Variants in DNAJB14 observed in about 807,000 individuals in gnomAD.
DNAJB14 encodes the protein DnaJ heat shock protein family (Hsp40) member B14, also known as dnaJ homolog subfamily B member 14.
A neutral mutation model predicts 48.4 loss-of-function variants in DNAJB14; 22 were observed. That is an observed-to-expected ratio of 0.45 (90% CI 0.32 to 0.65). The LOEUF is 0.65. Ranked by LOEUF, DNAJB14 falls within the 30% of genes least tolerant of loss-of-function variation. The probability of loss-of-function intolerance (pLI) is 0.03; values close to 1 mark genes in which losing one functional copy is unlikely to be tolerated. For synonymous variants in DNAJB14, 142 were observed against 158.7 expected, an observed-to-expected ratio of 0.89 and a Z score of 0.79; for missense variants, 319 against 458.8, an observed-to-expected ratio of 0.70 and a Z score of 2.78.
Position 99,896,263 on chromosome 4 carries a change from A to G in DNAJB14, c.*4765T>C, listed in dbSNP as rs1044134809. Reference sequence around the variant, plus strand: ...AAAACAAACATTTTACAGTGAGAACAGACCTTTTTATTAATATATTGAGAT... The same window carrying G: ...AAAACAAACATTTTACAGTGAGAACGGACCTTTTTATTAATATATTGAGAT... On this transcript the variant is annotated 3_prime_UTR_variant, in exon 8 of 8. Coordinates refer to ENST00000442697, the MANE Select transcript of DNAJB14 (RefSeq NM_001031723.4). The G allele has an allele frequency of 2.0e-5, 3 of 152,234 alleles. No individual in the cohort carries two copies. The highest frequency in any genetic ancestry group is 7.2e-5 in the African/African-American group (3 of 41,462). The allele number at this position is 152,234 out of a possible 1,614,324, so 9.4% of individuals were successfully genotyped here.
intron 1 of DNAJB14, among the ~76,000 whole-genome samples, chr4:99,937,769 C>A (rs930792334): frequency 6.6e-6 from 1 of 150,688 alleles, no homozygotes; most frequent in Non-Finnish European, 1.5e-5. Context: ...AAAACAAATA[C>A]GATGAAATAT....
chr4:99,931,059 C>G (rs1437167015), intron 1 of DNAJB14, among the ~76,000 whole-genome samples: 3 of 152,114 alleles, frequency 2.0e-5, no homozygotes, highest in African/African-American at 7.2e-5. Context: ...AAATTGCTAA[C>G]TTGAGTTATG....
intron 2 of DNAJB14, 35 bp downstream of exon 2, chr4:99,930,415 A>G (rs1726421021): frequency 1.3e-6 from 2 of 1,541,754 alleles, no homozygotes; most frequent in South Asian, 1.3e-5. Context: ...ATTAATACCA[A>G]TTATGATTGA....
intron 4 of DNAJB14, 26 bp downstream of exon 4, chr4:99,908,685 T>C (rs199739861): frequency 9.4e-4 from 1,414 of 1,503,594 alleles, no homozygotes; most frequent in Non-Finnish European, 1.1e-3. Context: ...TCATAAAATA[T>C]AATATCTATA....
intron 2 of DNAJB14, chr4:99,924,768 A>T (rs1226218322): frequency 6.2e-7 from 1 of 1,611,994 alleles, no homozygotes; most frequent in South Asian, 1.1e-5. Flanking sequence ...ACTGTGTGTT[A>T]GGTACAGGTC....
At chr4:99,940,811 T>C (rs934824711) in intron 1 of DNAJB14, among the ~76,000 whole-genome samples, 2 of 152,036 alleles carry the variant, frequency 1.3e-5, no homozygotes, top group Admixed American at 6.6e-5. Flanking sequence ...TATCACCTTA[T>C]AGCAATAAAC....
rs1484549941 is a variant in DNAJB14 at position 99,899,343 on chromosome 4, T to A, written c.*1685A>T. The A allele has an allele frequency of 6.6e-6, 1 of 152,114 alleles. No homozygotes were observed. The highest frequency in any genetic ancestry group is 2.4e-5 in the African/African-American group (1 of 41,402). The allele number at this position is 152,114 out of a possible 1,614,324, so 9.4% of individuals were successfully genotyped here. A position where few individuals can be genotyped will look rare whatever the true frequency, so the allele number is the denominator to read the frequency against. ...CTATGAACTTATATTTTTAAAAACT[T>A]ACTCTGCAGGCTCAACAAAATAATT... On this transcript the variant is annotated 3_prime_UTR_variant, in exon 8 of 8. Coordinates refer to ENST00000442697, the MANE Select transcript of DNAJB14 (RefSeq NM_001031723.4).
In DNAJB14 at chr4:99,910,994, C is replaced by A. The variant is rs527475240; in HGVS notation, c.452-2098G>T. On this transcript the variant is annotated intron_variant, in intron 3 of 7. Transcript: ENST00000442697. ...TATAGAACATTTCTAACACCACTCTCATGTTGCTCTTTCATAACCACATCC... is the reference window on the plus strand; with the variant it reads ...TATAGAACATTTCTAACACCACTCTAATGTTGCTCTTTCATAACCACATCC... Among the ~76,000 whole-genome samples the A allele has an allele frequency of 2.6e-5, 4 of 152,186 alleles. No individual in the cohort carries two copies. In the East Asian group the frequency reaches 7.7e-4, roughly 29 times the overall value.
rs59597113 is a variant in DNAJB14 at position 99,938,097 on chromosome 4, C to CAAAAA, written c.134-7481_134-7477dup. Among the ~76,000 whole-genome samples, 44 of 40,976 alleles carry CAAAAA rather than the reference C, an allele frequency of 1.1e-3. 2 individuals carry two copies. The highest frequency in any genetic ancestry group is 2.4e-3 in the African/African-American group (30 of 12,710). 26.9% of individuals were successfully genotyped at this position (40,976 alleles called of 152,430 possible). On this transcript the variant is annotated intron_variant, in intron 1 of 7. Transcript: ENST00000442697. ...ACATGGCGAAACCATGTTAAAAATA[C>CAAAAA]AAAAAAAAAAAAAAAAAAAAAAAAA...
At chr4:99,937,265 C>T (rs963467904) in intron 1 of DNAJB14, among the ~76,000 whole-genome samples, 1 of 151,768 alleles carries the variant, frequency 6.6e-6, no homozygotes, top group Middle Eastern at 3.4e-3. Context: ...CGCAGTGAGC[C>T]GAGATCGCGC....
At chr4:99,906,474 G>T in intron 5 of DNAJB14, 43 bp downstream of exon 5, 1 of 1,571,968 alleles carries the variant, frequency 6.4e-7, no homozygotes, top group South Asian at 1.1e-5. Context: ...TACTTTTCCT[G>T]AGCTGAAATT....
At chr4:99,938,866 G>GAATAGC (rs1283128408) in intron 1 of DNAJB14, among the ~76,000 whole-genome samples, 1 of 151,966 alleles carries the variant, frequency 6.6e-6, no homozygotes, top group East Asian at 1.9e-4. Context: ...GAATGAAAAG[G>GAATAGC]AATAGCCTCC....
At chr4:99,928,752 A>G (rs1726350113) in intron 2 of DNAJB14, 1 of 167,566 alleles carries the variant, frequency 6.0e-6, no homozygotes, top group South Asian at 1.7e-4. Flanking sequence ...TCTTAAATAT[A>G]TATATATAAA....
intron 1 of DNAJB14, among the ~76,000 whole-genome samples, chr4:99,939,041 A>T (rs1011660140): frequency 6.6e-6 from 1 of 152,178 alleles, no homozygotes; most frequent in African/African-American, 2.4e-5. Context: ...GCCAGATATG[A>T]AAGTGGTTAT....
chr4:99,940,937 C>T (rs1472925927), intron 1 of DNAJB14, among the ~76,000 whole-genome samples: 1 of 149,444 alleles, frequency 6.7e-6, no homozygotes, highest in East Asian at 2.0e-4. Context: ...GAGACAATCC[C>T]TATATATATA....
intron 2 of DNAJB14, chr4:99,929,087 TTTTGTTTGTTTG>T (rs373458347): frequency 1.3e-5 from 2 of 153,100 alleles, no homozygotes; most frequent in Non-Finnish European, 2.9e-5. Context: ...AGGAATCCTT[TTTTGTTTGTTTG>T]TTTGTTTGTT....
intron 3 of DNAJB14, among the ~76,000 whole-genome samples, chr4:99,921,998 C>T (rs1726079174): frequency 6.6e-6 from 1 of 152,072 alleles, no homozygotes; most frequent in Non-Finnish European, 1.5e-5. Context: ...ATGTAATTTG[C>T]AAGTTAGTGT....
chr4:99,940,678 C>T (rs909112563), intron 1 of DNAJB14, among the ~76,000 whole-genome samples: 1 of 150,500 alleles, frequency 6.6e-6, no homozygotes, highest in Non-Finnish European at 1.5e-5. Flanking sequence ...CAAAAAATCA[C>T]TATAGCCTTT....
intron 2 of DNAJB14, chr4:99,926,351 A>G (rs1015885751): frequency 3.9e-5 from 6 of 152,182 alleles, no homozygotes; most frequent in African/African-American, 1.4e-4. Context: ...GTGAGGATCT[A>G]AAAAGTCACG....
Sources: allele counts gnomAD v4.1 joint callset (sites outside exome capture counted in the v4.1 genomes callset), GRCh38; gene constraint gnomAD v4.1.1; transcripts MANE v1.5; gene names NCBI Gene and HGNC (gene_info 2026-07-23, HGNC 2026-07-21).